TMEM232: variants seen among roughly 807,000 people sequenced by gnomAD.
The protein encoded by TMEM232 is transmembrane protein 232.
In TMEM232, 80 loss-of-function variants were observed where a neutral mutation model predicts 78.8. The ratio of observed to expected loss-of-function variants is 1.01; its 90% CI spans 0.85 to 1.22. The LOEUF (loss-of-function observed/expected upper bound fraction) is 1.22, where lower values mean the gene tolerates loss of function less well. Ranked by LOEUF, TMEM232 falls within the 50% of genes most tolerant of loss-of-function variation. TMEM232 has a pLI of 0.00. For missense variants in TMEM232, 881 were observed against 742.2 expected, an observed-to-expected ratio of 1.19 and a Z score of -2.17; for synonymous variants, 297 against 254.3, an observed-to-expected ratio of 1.17 and a Z score of -1.60.
At position 110,524,415 on chromosome 5, in the gene TMEM232, GAAAAGA is replaced by G. The variant is rs147922720; in HGVS notation, c.1703+4167_1703+4172del. Among the ~76,000 whole-genome samples the G allele has an allele frequency of 9.0e-3, 567 of 62,748 alleles. 3 individuals are homozygous for G. The highest frequency in any genetic ancestry group is 0.032 in the East Asian group (52 of 1,644). The allele number at this position is 62,748 out of a possible 152,430, so 41.2% of individuals were successfully genotyped here. A position where few individuals can be genotyped will look rare whatever the true frequency, so the allele number is the denominator to read the frequency against. On this transcript the variant is annotated intron_variant, in intron 12 of 13. Transcript: ENST00000455884. ...AGAAAGAAAGAAAGAAAGAAAGAAAGAAAAGAAAAGAAAAGAAAAGAAAAGAAAGGA... is the reference window on the plus strand; with the variant it reads ...AGAAAGAAAGAAAGAAAGAAAGAAAGAAAGAAAAGAAAAGAAAAGAAAGGA...
intron 8 of TMEM232, among the ~76,000 whole-genome samples, chr5:110,606,611 T>G (rs1426124676): frequency 6.6e-6 from 1 of 151,898 alleles, no homozygotes; most frequent in Admixed American, 6.6e-5. Context: ...AAACTCACAA[T>G]AGGTTTTAAT....
intron 12 of TMEM232, among the ~76,000 whole-genome samples, chr5:110,517,622 T>G (rs1006226922): frequency 1.3e-5 from 2 of 152,116 alleles, no homozygotes; most frequent in Non-Finnish European, 2.9e-5. Flanking sequence ...ATAGACTATG[T>G]GAATGGTGCA....
chr5:110,392,825 TG>T (rs1396279700), intron 3 of TMEM232, among the ~76,000 whole-genome samples: 1 of 152,178 alleles, frequency 6.6e-6, no homozygotes, highest in Non-Finnish European at 1.5e-5. Context: ...TGACCTAACA[TG>T]GAGTCCCTTG....
rs544230017 is a variant in TMEM232, at chr5:110,665,907, A to T, written c.125+1321T>A. Among the ~76,000 whole-genome samples, 30 of 151,564 alleles carry T rather than the reference A, an allele frequency of 2.0e-4. 1 individual carries two copies. The highest frequency in any genetic ancestry group is 9.2e-4 in the Admixed American group (14 of 15,196). The stretch of plus-strand genomic sequence containing the variant: ...CCATCTCCACAAAAAAAAAAAAAAA[A>T]AAAAACTAAAAATTAGCCAGGCATA... On this transcript the variant is annotated intron_variant, in intron 2 of 13. Transcript: ENST00000455884.
intron 2 of TMEM232, among the ~76,000 whole-genome samples, chr5:110,653,743 T>C (rs947803093): frequency 6.6e-6 from 1 of 152,124 alleles, no homozygotes; most frequent in Non-Finnish European, 1.5e-5. Context: ...ATCAAGATAA[T>C]TGGACGGGAG....
rs1377480347 is a variant in TMEM232, at chr5:110,410,450, A to G, written n.309-12596T>C. On this transcript the variant is annotated intron_variant and non_coding_transcript_variant, in intron 2 of 8. Transcript: ENST00000507188. ...TTACTTACACTACACTCAATGTACA[A>G]AAAACATTTACCTTTATCTTTTTTC... Among the ~76,000 whole-genome samples, 5 of 152,250 alleles carry G rather than the reference A, an allele frequency of 3.3e-5. No homozygotes were observed. The East Asian group carries it at 9.7e-4, about 29-fold the overall frequency.
chr5:110,642,323 T>A lies in TMEM232; in HGVS notation c.174A>T (p.Thr58=). ...ATTCTTCCTTCTCTTTGGAATTTTG[T>A]GTTTGATTGAATCTCAAGATGAATT... ...TKEFILRFNQ[T]QNSKEKEELL... The change falls in exon 3 of 14, where the codon ACA becomes ACT. Residue 58 remains threonine, a synonymous_variant. Coordinates refer to ENST00000455884, the MANE Select transcript of TMEM232 (RefSeq NM_001039763.4). 1 of 1,540,232 alleles carries A rather than the reference T, an allele frequency of 6.5e-7. No homozygotes were observed. Among genetic ancestry groups the A allele is most frequent in the Non-Finnish European group, 8.7e-7 (1 of 1,143,216 alleles).
intron 11 of TMEM232, among the ~76,000 whole-genome samples, chr5:110,557,265 C>G (rs1481934694): frequency 6.6e-6 from 1 of 152,158 alleles, no homozygotes; most frequent in Non-Finnish European, 1.5e-5. Context: ...CCTCTTTCAG[C>G]TCATATATGA....
chr5:110,455,417 G>A (rs1580750260), intron 12 of TMEM232, among the ~76,000 whole-genome samples: 1 of 146,788 alleles, frequency 6.8e-6, no homozygotes, highest in Middle Eastern at 3.5e-3. Context: ...TTGCTGTGTT[G>A]CCCAGGCTGG....
At chr5:110,433,804 C>A (rs927400180) in intron 12 of TMEM232, among the ~76,000 whole-genome samples, 5 of 151,992 alleles carry the variant, frequency 3.3e-5, no homozygotes, top group African/African-American at 1.2e-4. Context: ...ATATGTTGAA[C>A]CATCTTAAAT....
chr5:110,686,636 T>A (rs1793450186), intron 1 of TMEM232, among the ~76,000 whole-genome samples: 1 of 152,140 alleles, frequency 6.6e-6, no homozygotes, highest in Non-Finnish European at 1.5e-5. Flanking sequence ...GTATGAACAC[T>A]TGTACATTTC....
chr5:110,522,139 C>T (rs1581057013), intron 12 of TMEM232, among the ~76,000 whole-genome samples: 1 of 152,046 alleles, frequency 6.6e-6, no homozygotes, highest in East Asian at 1.9e-4. Context: ...CTTTTACATC[C>T]TTATTTAAGT....
intron 8 of TMEM232, among the ~76,000 whole-genome samples, chr5:110,615,042 C>T (rs773601232): frequency 6.6e-6 from 1 of 151,790 alleles, no homozygotes; most frequent in Non-Finnish European, 1.5e-5. Flanking sequence ...AACTGCAATA[C>T]TCAGTAGGTG....
At chr5:110,449,421 AC>A (rs1216722491) in intron 12 of TMEM232, among the ~76,000 whole-genome samples, 1 of 152,110 alleles carries the variant, frequency 6.6e-6, no homozygotes, top group African/African-American at 2.4e-5. Context: ...AGAAACATAT[AC>A]CATAATTCTG....
chr5:110,390,833 G>A (rs1168233908), intron 3 of TMEM232, among the ~76,000 whole-genome samples: 6 of 152,184 alleles, frequency 3.9e-5, no homozygotes, highest in Non-Finnish European at 7.3e-5. Context: ...AAAAAGCCAC[G>A]TCCCTGACTA....
At chr5:110,646,894 C>T (rs1462743547) in intron 2 of TMEM232, among the ~76,000 whole-genome samples, 1 of 151,426 alleles carries the variant, frequency 6.6e-6, no homozygotes, top group Non-Finnish European at 1.5e-5. Context: ...CGATATTTCT[C>T]AAAAGACCAC....
chr5:110,449,056 A>C (rs933189492), intron 12 of TMEM232, among the ~76,000 whole-genome samples: 1 of 152,026 alleles, frequency 6.6e-6, no homozygotes, highest in African/African-American at 2.4e-5. Flanking sequence ...TTGAAACAAA[A>C]TGATATTAAA....
intron 13 of TMEM232, among the ~76,000 whole-genome samples, chr5:110,421,419 AT>A (rs1443346994): frequency 2.0e-5 from 3 of 150,268 alleles, no homozygotes; most frequent in African/African-American, 7.3e-5. Context: ...CATGAAAAAT[AT>A]ATATATATAT....
At chr5:110,670,482 AG>A (rs1331261267) in intron 1 of TMEM232, among the ~76,000 whole-genome samples, 1 of 152,196 alleles carries the variant, frequency 6.6e-6, no homozygotes, top group Non-Finnish European at 1.5e-5. Flanking sequence ...AAAATAAAAG[AG>A]GACACAAACA....
Sources: gnomAD v4.1 joint callset for allele counts (sites outside exome capture counted in the v4.1 genomes callset) on GRCh38, gnomAD v4.1.1 for gene constraint, MANE v1.5 for transcripts, NCBI Gene and HGNC (gene_info 2026-07-23, HGNC 2026-07-21) for gene names.